The following GABBR2 variants were observed in gnomAD, a reference collection of about 807,000 sequenced individuals.
The protein encoded by GABBR2 is gamma-aminobutyric acid type B receptor subunit 2.
In GABBR2, 23 loss-of-function variants were observed where a neutral mutation model predicts 105.6. That is an observed-to-expected ratio of 0.22 (90% CI 0.16 to 0.31). The LOEUF (loss-of-function observed/expected upper bound fraction) is 0.31, where lower values mean the gene tolerates loss of function less well. GABBR2 is among the 10% of genes least tolerant of loss of function. The pLI is 1.00. For synonymous variants in GABBR2, 478 were observed against 499.7 expected (o/e 0.96, Z 0.58); for missense variants, 734 against 1,245.5 (o/e 0.59, Z 6.18).
At chr9:98,463,660 C>T (rs1004784111) in intron 6 of GABBR2, among the ~76,000 whole-genome samples, 9 of 138,822 alleles carry the variant, frequency 6.5e-5, no homozygotes, top group South Asian at 4.8e-4. Flanking sequence ...CCTCTTTCTA[C>T]AGTCTCCCTC....
intron 2 of GABBR2, 92 bp downstream of exon 2, chr9:98,577,843 T>A: frequency 1.5e-6 from 2 of 1,313,110 alleles, no homozygotes; most frequent in African/African-American, 1.5e-5. Context: ...CCAGGCAACA[T>A]AGAAACCACA....
chr9:98,361,387 G>A (rs1046350566), intron 13 of GABBR2, among the ~76,000 whole-genome samples: 7 of 147,928 alleles, frequency 4.7e-5, no homozygotes, highest in Non-Finnish European at 1.0e-4. Context: ...TCTTATCATC[G>A]TTGCTTTTTA....
intron 1 of GABBR2, among the ~76,000 whole-genome samples, chr9:98,592,467 G>A (rs112089531): frequency 7.1e-4 from 108 of 152,322 alleles, no homozygotes; most frequent in African/African-American, 2.5e-3. Context: ...GGTAGATACT[G>A]TTATTAGCAT....
At chr9:98,608,564 T>C (rs954436938) in intron 1 of GABBR2, among the ~76,000 whole-genome samples, 2 of 152,220 alleles carry the variant, frequency 1.3e-5, no homozygotes, top group Admixed American at 1.3e-4. Flanking sequence ...AAAGGTTCCA[T>C]TCAATGCAGT....
intron 13 of GABBR2, among the ~76,000 whole-genome samples, chr9:98,361,964 C>T (rs1351394610): frequency 1.3e-5 from 2 of 152,218 alleles, no homozygotes; most frequent in Non-Finnish European, 2.9e-5. Context: ...AGAATTCACA[C>T]TAAATTCCCA....
intron 13 of GABBR2, among the ~76,000 whole-genome samples, chr9:98,345,614 C>T (rs1268765076): frequency 6.6e-6 from 1 of 152,076 alleles, no homozygotes; most frequent in African/African-American, 2.4e-5. Context: ...TGCAGTAAGT[C>T]AAGAAAGGAA....
intron 13 of GABBR2, among the ~76,000 whole-genome samples, chr9:98,329,061 C>T (rs949440764): frequency 2.6e-5 from 4 of 152,200 alleles, no homozygotes; most frequent in Non-Finnish European, 4.4e-5. Context: ...AGCCCCTAGA[C>T]CAGCGAGTGC....
chr9:98,606,479 T>A (rs1443489735), intron 1 of GABBR2, among the ~76,000 whole-genome samples: 1 of 90,324 alleles, frequency 1.1e-5, no homozygotes, highest in Non-Finnish European at 2.3e-5. Flanking sequence ...TATCTTTTTT[T>A]TTTCTTTTTT....
chr9:98,560,416 CAT>C (rs767163327), intron 2 of GABBR2, among the ~76,000 whole-genome samples: 15 of 99,954 alleles, frequency 1.5e-4, no homozygotes, highest in Non-Finnish European at 2.0e-4. Flanking sequence ...CACACACACA[CAT>C]ATACACATAC....
intron 1 of GABBR2, among the ~76,000 whole-genome samples, chr9:98,705,424 A>C (rs1248250677): frequency 6.6e-6 from 1 of 152,200 alleles, no homozygotes; most frequent in African/African-American, 2.4e-5. Flanking sequence ...CTAAATCTCC[A>C]TCTCTCTGCA....
chr9:98,565,090 A>T (rs1828732912), intron 2 of GABBR2, among the ~76,000 whole-genome samples: 1 of 152,182 alleles, frequency 6.6e-6, no homozygotes, highest in African/African-American at 2.4e-5. Flanking sequence ...GGGGAAGGCC[A>T]CCAGAAAGGC....
chr9:98,486,040 C>A (rs929967075), intron 4 of GABBR2, among the ~76,000 whole-genome samples: 4 of 152,206 alleles, frequency 2.6e-5, no homozygotes, highest in African/African-American at 9.7e-5. Context: ...GGTATCCATC[C>A]AAGACAGAGC....
intron 3 of GABBR2, among the ~76,000 whole-genome samples, chr9:98,516,849 A>C (rs2779565): frequency 6.6e-6 from 1 of 152,212 alleles, no homozygotes; most frequent in Non-Finnish European, 1.5e-5. Flanking sequence ...ATGCATCTGC[A>C]TCTTCCCAGG....
chr9:98,566,680 GA>G (rs200915778), intron 2 of GABBR2, among the ~76,000 whole-genome samples: 8 of 143,096 alleles, frequency 5.6e-5, no homozygotes, highest in African/African-American at 1.8e-4. Context: ...GTCTCAAAAA[GA>G]AAAAAAAAAT....
intron 3 of GABBR2, among the ~76,000 whole-genome samples, chr9:98,496,825 G>C (rs900366959): frequency 2.0e-5 from 3 of 152,078 alleles, no homozygotes; most frequent in Non-Finnish European, 4.4e-5. Flanking sequence ...ACATCACACT[G>C]TCTCCAAATC....
Position 98,554,794 on chromosome 9 carries a change from T to C in GABBR2, c.460-12751A>G, listed in dbSNP as rs147836722. Among the ~76,000 whole-genome samples, 772 of 152,324 alleles carry C rather than the reference T, an allele frequency of 5.1e-3. 10 individuals carry two copies. Among genetic ancestry groups the C allele is most frequent in the African/African-American group, 0.017 (701 of 41,570 alleles). On this transcript the variant is annotated intron_variant, in intron 2 of 18. Coordinates refer to ENST00000259455, the MANE Select transcript of GABBR2 (RefSeq NM_005458.8). Reference sequence around the variant, plus strand: ...CTATTATTATTTGACGTAAAGAAGATTGGAAAACAACTATTAGTTCCGCAA... The same window carrying C: ...CTATTATTATTTGACGTAAAGAAGACTGGAAAACAACTATTAGTTCCGCAA...
At chr9:98,433,969 T>C (rs760875440) in intron 7 of GABBR2, among the ~76,000 whole-genome samples, 1 of 152,112 alleles carries the variant, frequency 6.6e-6, no homozygotes, top group African/African-American at 2.4e-5. Context: ...AATGAAGTAT[T>C]GTTCCTGGGT....
intron 7 of GABBR2, among the ~76,000 whole-genome samples, chr9:98,452,134 C>T (rs1251340512): frequency 6.6e-6 from 1 of 152,218 alleles, no homozygotes; most frequent in African/African-American, 2.4e-5. Flanking sequence ...ATTATCCACA[C>T]CTTCGGCACC....
chr9:98,516,550 C>T (rs879280118), intron 3 of GABBR2, among the ~76,000 whole-genome samples: 1 of 152,206 alleles, frequency 6.6e-6, no homozygotes. Flanking sequence ...ATTTATTTAA[C>T]GGCAGCAACA....
Sources: gnomAD v4.1 joint callset for allele counts (sites outside exome capture counted in the v4.1 genomes callset) on GRCh38, gnomAD v4.1.1 for gene constraint, MANE v1.5 for transcripts, NCBI Gene and HGNC (gene_info 2026-07-23, HGNC 2026-07-21) for gene names.